Variants in SGCD observed in about 807,000 individuals in gnomAD.
SGCD encodes the protein sarcoglycan delta, also known as delta-sarcoglycan.
A neutral mutation model predicts 36.6 loss-of-function variants in SGCD; 18 were observed. That is an observed-to-expected ratio of 0.49 (90% CI 0.34 to 0.73). SGCD has a LOEUF of 0.73. Ranked by LOEUF, SGCD falls within the 30% of genes least tolerant of loss-of-function variation. The pLI is 0.01. For missense variants in SGCD, 387 were observed against 346.7 expected, an observed-to-expected ratio of 1.12 and a Z score of -0.92; for synonymous variants, 133 against 130.6, an observed-to-expected ratio of 1.02 and a Z score of -0.12.
intron 3 of SGCD, among the ~76,000 whole-genome samples, chr5:156,193,314 G>C (rs1238519625): frequency 6.6e-6 from 1 of 152,074 alleles, no homozygotes; most frequent in Non-Finnish European, 1.5e-5. Context: ...CTTTTTCCCT[G>C]CTTGCCCTGT....
intron 3 of SGCD, among the ~76,000 whole-genome samples, chr5:156,385,498 G>T (rs1771228394): frequency 2.6e-5 from 4 of 152,206 alleles, no homozygotes. Context: ...GAGAAGATTT[G>T]TTTAAATTCA....
the SGCD span, among the ~76,000 whole-genome samples, chr5:155,753,634 G>A: frequency 3.3e-5 from 5 of 152,146 alleles, no homozygotes; most frequent in African/African-American, 1.2e-4. Flanking sequence ...GTGGGGAGCT[G>A]ACAAGAGGCT....
At chr5:156,344,778 C>T in intron 3 of SGCD, 101 bp downstream of exon 3, 2 of 830,170 alleles carry the variant, frequency 2.4e-6, no homozygotes, top group Admixed American at 3.0e-5. Flanking sequence ...TACAGTAGGA[C>T]TCAAAAAATC....
intron 3 of SGCD, among the ~76,000 whole-genome samples, chr5:156,258,950 TAAG>T (rs1765781391): frequency 6.6e-6 from 1 of 151,936 alleles, no homozygotes; most frequent in Non-Finnish European, 1.5e-5. Context: ...AGAGAGTACT[TAAG>T]AGAGTAAAGG....
At chr5:155,985,228 G>A (rs974809113) in intron 1 of SGCD, among the ~76,000 whole-genome samples, 1 of 152,130 alleles carries the variant, frequency 6.6e-6, no homozygotes, top group African/African-American at 2.4e-5. Flanking sequence ...GTTTCATGAG[G>A]TCAAAATCAA....
intron 3 of SGCD, among the ~76,000 whole-genome samples, chr5:156,503,164 C>T (rs1159159970): frequency 3.3e-5 from 5 of 152,126 alleles, no homozygotes; most frequent in Middle Eastern, 3.2e-3. Context: ...GAACTGTGGT[C>T]GTTTCTGTAC....
At chr5:156,376,498 C>T (rs1770678060) in intron 3 of SGCD, among the ~76,000 whole-genome samples, 1 of 152,172 alleles carries the variant, frequency 6.6e-6, no homozygotes, top group Non-Finnish European at 1.5e-5. Flanking sequence ...ATGTAATTTA[C>T]AAGTTTAACT....
chr5:156,005,457 T>A (rs1561679929), intron 1 of SGCD, among the ~76,000 whole-genome samples: 1 of 139,216 alleles, frequency 7.2e-6, no homozygotes, highest in Non-Finnish European at 1.6e-5. Flanking sequence ...TTGTTGTTGT[T>A]GTTGTTGTTT....
rs578256207 is a variant in SGCD, at chr5:155,950,799, A to ACC, written c.-282+80376_-282+80377dup. ...TATATTCCCTCTCTCAACAACTGCT[A>ACC]CCACTTGATACTCTTCAAATAGTTG... On this transcript the variant is annotated intron_variant, in intron 1 of 9. Transcript: ENST00000517913. Among the ~76,000 whole-genome samples the ACC allele has an allele frequency of 2.1e-4, 32 of 152,248 alleles. No homozygotes were observed. The South Asian group carries it at 6.6e-3, about 32-fold the overall frequency.
At chr5:156,426,182 G>A (rs571069081) in intron 3 of SGCD, among the ~76,000 whole-genome samples, 9 of 152,138 alleles carry the variant, frequency 5.9e-5, no homozygotes, top group South Asian at 2.1e-4. Flanking sequence ...TACTAGCAAC[G>A]TAAAGGAGTT....
intron 3 of SGCD, among the ~76,000 whole-genome samples, chr5:156,452,882 G>T (rs1403811068): frequency 1.3e-5 from 2 of 152,112 alleles, no homozygotes; most frequent in South Asian, 2.1e-4. Flanking sequence ...ATAAAGAAAA[G>T]ACCCTAATTA....
At chr5:155,891,877 C>T (rs987830026) in intron 1 of SGCD, among the ~76,000 whole-genome samples, 1 of 152,020 alleles carries the variant, frequency 6.6e-6, no homozygotes, top group Non-Finnish European at 1.5e-5. Context: ...AATGTGGCAG[C>T]AGCATTAGGA....
Position 156,059,060 on chromosome 5 carries a change from T to A in SGCD, c.-281-58818T>A, listed in dbSNP as rs1250037063. On this transcript the variant is annotated intron_variant, in intron 1 of 9. Transcript: ENST00000517913. Reference sequence around the variant, plus strand: ...TAGATTTTTATTTTCTTTTTTGTGCTTCCTCATAATTTTCAAATTTCTACA... The same window carrying A: ...TAGATTTTTATTTTCTTTTTTGTGCATCCTCATAATTTTCAAATTTCTACA... Among the ~76,000 whole-genome samples the A allele has an allele frequency of 4.1e-5, 6 of 145,934 alleles. 1 individual carries two copies. Among genetic ancestry groups the A allele is most frequent in the Non-Finnish European group, 7.7e-5 (5 of 64,960 alleles).
the SGCD span, among the ~76,000 whole-genome samples, chr5:155,774,104 A>G: frequency 2.8e-3 from 429 of 152,268 alleles, 2 homozygotes; most frequent in African/African-American, 9.1e-3. Flanking sequence ...GTTAACATGT[A>G]AGAGAAGCGA....
chr5:155,846,381 A>G, the SGCD span, among the ~76,000 whole-genome samples: 1 of 152,192 alleles, frequency 6.6e-6, no homozygotes, highest in Non-Finnish European at 1.5e-5. Flanking sequence ...GATGTCGAAC[A>G]ATTAGTAAAA....
In SGCD at chr5:156,252,161, G is replaced by A. The variant is rs371002035; in HGVS notation, c.-43-77373G>A. Among the ~76,000 whole-genome samples the A allele has an allele frequency of 1.9e-4, 29 of 151,098 alleles. No individual in the cohort carries two copies. The East Asian group carries it at 3.9e-3, about 20-fold the overall frequency. The stretch of plus-strand genomic sequence containing the variant: ...TGGCTCACATCCACCTCCGCCTCCC[G>A]GGTTCAAGCCATTCTTCTGCCTCAG... On this transcript the variant is annotated intron_variant, in intron 3 of 9. Transcript: ENST00000517913.
At chr5:155,892,718 A>G (rs1400284657) in intron 1 of SGCD, among the ~76,000 whole-genome samples, 1 of 152,206 alleles carries the variant, frequency 6.6e-6, no homozygotes, top group Non-Finnish European at 1.5e-5. Context: ...GCAGATTCAT[A>G]CCTGTCTTGC....
chr5:156,453,482 C>G (rs1246812241), intron 3 of SGCD, among the ~76,000 whole-genome samples: 1 of 152,068 alleles, frequency 6.6e-6, no homozygotes, highest in Non-Finnish European at 1.5e-5. Flanking sequence ...TTCACAATAG[C>G]CCCAAACTGG....
chr5:156,692,955 C>T (rs1209456015), intron 7 of SGCD, among the ~76,000 whole-genome samples: 1 of 152,152 alleles, frequency 6.6e-6, no homozygotes. Flanking sequence ...AGACACTATA[C>T]ACAGCACAGT....
Sources: gnomAD v4.1 joint callset for allele counts (sites outside exome capture counted in the v4.1 genomes callset) on GRCh38, gnomAD v4.1.1 for gene constraint, MANE v1.5 for transcripts, NCBI Gene and HGNC (gene_info 2026-07-23, HGNC 2026-07-21) for gene names.